Variants in SCARA5 observed in about 807,000 individuals in gnomAD.
The protein encoded by SCARA5 is scavenger receptor class A member 5.
A neutral mutation model predicts 46.3 loss-of-function variants in SCARA5; 45 were observed. The observed-to-expected ratio is 0.97, with a 90% CI of 0.76 to 1.24. The LOEUF (loss-of-function observed/expected upper bound fraction) is 1.24. Ranked by LOEUF, SCARA5 falls within the 50% of genes most tolerant of loss-of-function variation. The probability of loss-of-function intolerance (pLI) is 0.00; values close to 1 mark genes in which losing one functional copy is unlikely to be tolerated. For synonymous variants in SCARA5, 333 were observed against 306.5 expected, an observed-to-expected ratio of 1.09 and a Z score of -0.90; for missense variants, 680 against 689.0, an observed-to-expected ratio of 0.99 and a Z score of 0.15.
At chr8:27,956,012 T>C (rs915048793) in intron 3 of SCARA5, among the ~76,000 whole-genome samples, 2 of 152,170 alleles carry the variant, frequency 1.3e-5, no homozygotes, top group African/African-American at 4.8e-5. Flanking sequence ...TCAAGACTTC[T>C]GATTACACAT....
chr8:27,938,876 ATAT>A (rs1167010205), intron 3 of SCARA5, among the ~76,000 whole-genome samples: 1 of 152,192 alleles, frequency 6.6e-6, no homozygotes, highest in Non-Finnish European at 1.5e-5. Context: ...GACCATTTAT[ATAT>A]ATATATTTCT....
At chr8:27,948,325 C>T (rs1033273467) in intron 3 of SCARA5, among the ~76,000 whole-genome samples, 2 of 152,122 alleles carry the variant, frequency 1.3e-5, no homozygotes, top group African/African-American at 2.4e-5. Flanking sequence ...CTTGGCCACA[C>T]CCAAGGCCAC....
At chr8:27,988,459 C>T (rs1026791012) in intron 1 of SCARA5, among the ~76,000 whole-genome samples, 3 of 152,216 alleles carry the variant, frequency 2.0e-5, no homozygotes, top group Admixed American at 6.5e-5. Flanking sequence ...AACACGATCC[C>T]ATTTTGTAAG....
rs141136020 is a variant in SCARA5 at position 27,889,332 on chromosome 8, C to T, written c.1154-9566G>A. Among the ~76,000 whole-genome samples the T allele has an allele frequency of 2.5e-3, 376 of 152,322 alleles. 2 individuals are homozygous for T. Among genetic ancestry groups the T allele is most frequent in the African/African-American group, 8.5e-3 (354 of 41,566 alleles). ...AGTGATTTTTCGGTAATTATGACAT[C>T]ATCTTTGGGCTTTTCCAATAATCAC... On this transcript the variant is annotated intron_variant, in intron 7 of 8. Transcript: ENST00000354914.
intron 2 of SCARA5, among the ~76,000 whole-genome samples, chr8:27,985,227 T>C (rs1808688374): frequency 6.6e-6 from 1 of 151,736 alleles, no homozygotes; most frequent in Non-Finnish European, 1.5e-5. Flanking sequence ...GGATGGAAAC[T>C]CAGGCCTCGC....
chr8:27,992,034 C>A (rs1168333095), intron 1 of SCARA5, among the ~76,000 whole-genome samples: 1 of 152,202 alleles, frequency 6.6e-6, no homozygotes, highest in Non-Finnish European at 1.5e-5. Flanking sequence ...ACCCCAAATG[C>A]AGGCTCACAT....
intron 2 of SCARA5, among the ~76,000 whole-genome samples, chr8:27,974,608 A>G (rs1305960511): frequency 1.3e-5 from 2 of 152,166 alleles, no homozygotes; most frequent in African/African-American, 4.8e-5. Flanking sequence ...AGCTCAGCTC[A>G]TCCAAGGAGC....
chr8:27,912,001 C>T (rs1807384962), intron 4 of SCARA5, among the ~76,000 whole-genome samples: 2 of 152,126 alleles, frequency 1.3e-5, no homozygotes, highest in African/African-American at 4.8e-5. Flanking sequence ...TGCCAGCAAG[C>T]ACCAGCAGCT....
intron 3 of SCARA5, among the ~76,000 whole-genome samples, chr8:27,959,379 G>A (rs1483550020): frequency 2.0e-5 from 3 of 152,176 alleles, no homozygotes; most frequent in Non-Finnish European, 4.4e-5. Flanking sequence ...GAGCCTGTTG[G>A]GAGGATGGCT....
intron 2 of SCARA5, among the ~76,000 whole-genome samples, chr8:27,976,033 T>C (rs1162375121): frequency 2.6e-5 from 4 of 152,196 alleles, no homozygotes; most frequent in African/African-American, 9.7e-5. Context: ...CCCAAGTTAC[T>C]CTGCATAAAA....
chr8:27,916,408 TGTGCAAAC>T (rs1204350812), intron 4 of SCARA5, among the ~76,000 whole-genome samples: 1 of 103,882 alleles, frequency 9.6e-6, no homozygotes, highest in African/African-American at 2.9e-5. Context: ...TATACGTATA[TGTGCAAAC>T]GTGTACACAT....
intron 3 of SCARA5, among the ~76,000 whole-genome samples, chr8:27,924,514 C>T (rs1445449575): frequency 6.6e-6 from 1 of 152,144 alleles, no homozygotes; most frequent in Admixed American, 6.5e-5. Context: ...TGGAGCCTTG[C>T]CTCGACTTCT....
chr8:27,905,803 CG>C (rs1807252702), intron 6 of SCARA5, among the ~76,000 whole-genome samples: 1 of 150,922 alleles, frequency 6.6e-6, no homozygotes, highest in Admixed American at 6.6e-5. Context: ...TTCCACTCCC[CG>C]GGTTCAAGTG....
At chr8:27,931,159 G>A (rs996293654) in intron 3 of SCARA5, among the ~76,000 whole-genome samples, 1 of 152,212 alleles carries the variant, frequency 6.6e-6, no homozygotes, top group African/African-American at 2.4e-5. Flanking sequence ...CAAGTGCTGT[G>A]CACAGGAAAC....
intron 3 of SCARA5, among the ~76,000 whole-genome samples, chr8:27,932,432 C>T (rs563901344): frequency 9.8e-5 from 15 of 152,310 alleles, no homozygotes; most frequent in East Asian, 9.6e-4. Flanking sequence ...TAGTCCTCTC[C>T]GGCTGCTGTA....
chr8:27,894,203 CAGAAG>C (rs1372881138), intron 7 of SCARA5, among the ~76,000 whole-genome samples: 2 of 152,212 alleles, frequency 1.3e-5, no homozygotes, highest in African/African-American at 2.4e-5. Flanking sequence ...GCTCATTTAA[CAGAAG>C]AGAAAACAGG....
rs1807340300 is a variant in SCARA5 at position 27,909,682 on chromosome 8, AG to A, written c.977del (p.Pro326LeufsTer66). On this transcript the variant is annotated frameshift_variant, in exon 5 of 9. Transcript: ENST00000354914. LOFTEE classifies it high-confidence loss of function. ...DEGKEGRPGI[P>X]GLPGLRGLPG... ...CATTACCTCGAAGTCCAGGCAATCC[AG>A]GGATGCCAGGCCTGCCTTCCTTTCC... The A allele has an allele frequency of 1.3e-6, 2 of 1,550,840 alleles. No homozygotes were observed. Among genetic ancestry groups the A allele is most frequent in the African/African-American group, 1.4e-5 (1 of 73,010 alleles).
intron 3 of SCARA5, among the ~76,000 whole-genome samples, chr8:27,961,140 A>C (rs535942358): frequency 6.6e-6 from 1 of 152,354 alleles, no homozygotes; most frequent in East Asian, 1.9e-4. Flanking sequence ...TGGTAATACC[A>C]ATGCCAGCAA....
At chr8:27,919,999 G>A (rs192174698) in intron 4 of SCARA5, among the ~76,000 whole-genome samples, 52 of 151,544 alleles carry the variant, frequency 3.4e-4, no homozygotes, top group African/African-American at 1.1e-3. Context: ...GGGGGATGAC[G>A]TGGGAGAAGT....
Sources: allele counts gnomAD v4.1 joint callset (sites outside exome capture counted in the v4.1 genomes callset), GRCh38; gene constraint gnomAD v4.1.1; transcripts MANE v1.5; gene names NCBI Gene and HGNC (gene_info 2026-07-23, HGNC 2026-07-21).